CYP4X1: variants seen among roughly 807,000 people sequenced by gnomAD.
CYP4X1 encodes the protein cytochrome P450 4X1.
In CYP4X1, 44 loss-of-function variants were observed where a neutral mutation model predicts 57.9. That is an observed-to-expected ratio of 0.76 (90% CI 0.60 to 0.98). The LOEUF (loss-of-function observed/expected upper bound fraction) is 0.98. Ranked by LOEUF, CYP4X1 falls within the 50% of genes least tolerant of loss-of-function variation. The pLI is 0.00. For synonymous variants in CYP4X1, 227 were observed against 228.6 expected (o/e 0.99, Z 0.06); for missense variants, 532 against 623.9 (o/e 0.85, Z 1.57).
intron 1 of CYP4X1, among the ~76,000 whole-genome samples, chr1:47,027,748 G>A (rs185499833): frequency 2.6e-5 from 4 of 152,132 alleles, no homozygotes; most frequent in Admixed American, 1.3e-4. Flanking sequence ...GAACATGCAC[G>A]TCTGTGGTTA....
the CYP4X1 span, among the ~76,000 whole-genome samples, chr1:46,995,882 T>C: frequency 3.9e-5 from 6 of 152,212 alleles, no homozygotes; most frequent in East Asian, 1.2e-3. Flanking sequence ...TTTTCCTCAC[T>C]ACATCATCCG....
At chr1:47,046,386 A>G in intron 8 of CYP4X1, 81 bp from the exon 9 acceptor site, 2 of 1,579,088 alleles carry the variant, frequency 1.3e-6, no homozygotes, top group Non-Finnish European at 1.7e-6. Flanking sequence ...TGAGGGTAAT[A>G]ATTACCAGGA....
chr1:46,998,805 C>T, the CYP4X1 span, among the ~76,000 whole-genome samples: 108 of 152,112 alleles, frequency 7.1e-4, no homozygotes, highest in African/African-American at 2.5e-3. Flanking sequence ...CCAGTTTTCC[C>T]AGTATCATTT....
At chr1:46,997,013 GC>G in the CYP4X1 span, among the ~76,000 whole-genome samples, 1 of 152,206 alleles carries the variant, frequency 6.6e-6, no homozygotes. Flanking sequence ...GCACTTTGAA[GC>G]AGTTTCTCCT....
intron 9 of CYP4X1, 78 bp from the exon 10 acceptor site, chr1:47,048,487 A>G (rs1413275312): frequency 1.3e-6 from 2 of 1,495,032 alleles, no homozygotes; most frequent in East Asian, 4.5e-5. Context: ...CTTCAAGAAC[A>G]AAAGTCTTGT....
At chr1:46,973,142 A>C in the CYP4X1 span, among the ~76,000 whole-genome samples, 2 of 151,824 alleles carry the variant, frequency 1.3e-5, no homozygotes, top group African/African-American at 4.8e-5. Context: ...AACATGAAGG[A>C]ATGTTGAGTT....
chr1:46,972,817 T>C, the CYP4X1 span, among the ~76,000 whole-genome samples: 1 of 151,816 alleles, frequency 6.6e-6, no homozygotes, highest in Non-Finnish European at 1.5e-5. Context: ...GTTTCTGAGA[T>C]CTAGGAGCCT....
At chr1:46,999,873 G>A in the CYP4X1 span, among the ~76,000 whole-genome samples, 1 of 151,988 alleles carries the variant, frequency 6.6e-6, no homozygotes, top group East Asian at 1.9e-4. Flanking sequence ...CAAGGGACTT[G>A]CCTTGTCTCA....
chr1:46,994,926 A>G, the CYP4X1 span, among the ~76,000 whole-genome samples: 1 of 152,270 alleles, frequency 6.6e-6, no homozygotes, highest in Non-Finnish European at 1.5e-5. Flanking sequence ...TTCAGTAATG[A>G]GAAAATGATT....
At chr1:47,040,480 A>G (rs993975408) in intron 8 of CYP4X1, among the ~76,000 whole-genome samples, 3 of 152,240 alleles carry the variant, frequency 2.0e-5, no homozygotes, top group Non-Finnish European at 4.4e-5. Flanking sequence ...CATATGCAAA[A>G]GTCAACTCAA....
chr1:46,990,746 C>T, the CYP4X1 span, among the ~76,000 whole-genome samples: 9 of 152,126 alleles, frequency 5.9e-5, no homozygotes, highest in African/African-American at 9.6e-5. Context: ...TCATGTCCTT[C>T]CCAGGGACAT....
At chr1:47,019,657 C>T (rs771862895), upstream of CYP4X1, among the ~76,000 whole-genome samples, 3 of 152,190 alleles carry the variant, frequency 2.0e-5, no homozygotes, top group Non-Finnish European at 4.4e-5. Flanking sequence ...ACTGATCTCC[C>T]TAGTTCTAGT....
intron 1 of CYP4X1, 32 bp from the exon 2 acceptor site, chr1:47,029,958 C>T (rs1211591658): frequency 1.2e-6 from 2 of 1,608,118 alleles, no homozygotes; most frequent in Non-Finnish European, 1.7e-6. Context: ...TCCAGCTTGG[C>T]TGGCTAATTA....
Position 47,036,056 on chromosome 1 carries a change from C to A in CYP4X1, c.660C>A (p.Ser220Arg), listed in dbSNP as rs148377792. Residue 220 changes from serine (S) to arginine (R), a missense_variant, in exon 6 of 12, where the codon AGC (serine) becomes AGA (arginine). Transcript: ENST00000371901. Reference sequence around the variant, plus strand: ...ATGCAAAAGCCATATTTGAACTCAGCAAAATCATATTTCACCGCTTGTACA... The same window carrying A: ...ATGCAAAAGCCATATTTGAACTCAGAAAAATCATATTTCACCGCTTGTACA... ...DPYAKAIFEL[S>R]KIIFHRLYSL... 770 of 1,613,610 alleles carry A rather than the reference C, an allele frequency of 4.8e-4. 4 individuals carry two copies. In the African/African-American group the frequency reaches 8.6e-3, roughly 18 times the overall value.
chr1:46,975,607 G>C, the CYP4X1 span, among the ~76,000 whole-genome samples: 50 of 151,986 alleles, frequency 3.3e-4, 1 homozygote, highest in South Asian at 9.8e-3. Context: ...GTTTTCTTTT[G>C]TGTTGACCGT....
chr1:47,049,968 C>G, intron 11 of CYP4X1, 32 bp from the exon 12 acceptor site: 1 of 1,595,522 alleles, frequency 6.3e-7, no homozygotes, highest in Non-Finnish European at 8.5e-7. Context: ...ATCATTTTTT[C>G]AAGTATCACT....
At chr1:47,035,113 A>G (rs1557605149) in intron 4 of CYP4X1, among the ~76,000 whole-genome samples, 1 of 150,914 alleles carries the variant, frequency 6.6e-6, no homozygotes, top group Non-Finnish European at 1.5e-5. Context: ...CTTAAGACCT[A>G]TCGGTCGACC....
chr1:46,975,616 G>A, the CYP4X1 span, among the ~76,000 whole-genome samples: 7 of 151,998 alleles, frequency 4.6e-5, no homozygotes, highest in East Asian at 1.9e-4. Context: ...TGTGTTGACC[G>A]TGGACAACCT....
chr1:47,051,312 G>T (rs112165961), downstream of CYP4X1, among the ~76,000 whole-genome samples: 2 of 151,680 alleles, frequency 1.3e-5, no homozygotes, highest in African/African-American at 2.4e-5. Flanking sequence ...CCGGGAGGGG[G>T]AGGTTGCAGT....
Sources: gnomAD v4.1 joint callset for allele counts (sites outside exome capture counted in the v4.1 genomes callset) on GRCh38, gnomAD v4.1.1 for gene constraint, MANE v1.5 for transcripts, NCBI Gene and HGNC (gene_info 2026-07-23, HGNC 2026-07-21) for gene names.